The following CAB39L variants were observed in gnomAD, a reference collection of about 807,000 sequenced individuals.
CAB39L encodes calcium-binding protein 39-like.
In CAB39L, 23 loss-of-function variants were observed where a neutral mutation model predicts 39.1. That is an observed-to-expected ratio of 0.59 (90% CI 0.42 to 0.83). The LOEUF (loss-of-function observed/expected upper bound fraction) is 0.83. Among genes scored for constraint, CAB39L ranks in the 40% least tolerant of loss-of-function variants. The pLI is 0.00. For synonymous variants in CAB39L, 126 were observed against 137.2 expected (o/e 0.92, Z 0.57); for missense variants, 366 against 391.9 (o/e 0.93, Z 0.56).
At chr13:49,325,752 G>A (rs903433336) in intron 10 of CAB39L, among the ~76,000 whole-genome samples, 1 of 152,094 alleles carries the variant, frequency 6.6e-6, no homozygotes, top group African/African-American at 2.4e-5. Flanking sequence ...TCATGCCACT[G>A]CACTCCAGCC....
In CAB39L at chr13:49,331,980, G is replaced by A; in HGVS notation, c.801C>T (p.Pro267=). ...CATGAAAGGCTTCAAACTGGATGTT[G>A]GGACTTTTATCCCGAAGGAGGTTCA... ...LMMNLLRDKS[P]NIQFEAFHVF... Residue 267 remains proline, a synonymous_variant, in exon 10 of 11, where the codon CCC becomes CCT. Transcript: ENST00000409308. 6.2e-7 allele frequency: 1 copy of A among 1,614,088 alleles called. No individual in the cohort carries two copies. The highest frequency in any genetic ancestry group is 8.5e-7 in the Non-Finnish European group (1 of 1,179,986).
In CAB39L at chr13:49,392,278, G is replaced by T. The variant is rs561268115; in HGVS notation, c.-31-9337C>A. Among the ~76,000 whole-genome samples the T allele has an allele frequency of 1.5e-4, 23 of 152,110 alleles. No individual in the cohort carries two copies. The South Asian group carries it at 2.5e-3, about 16-fold the overall frequency. On this transcript the variant is annotated intron_variant, in intron 3 of 10. Transcript: ENST00000409308. ...CATATGTATATTAGGTACAATAAAG[G>T]CTATATTAAATAGTTTTAATTTGGT...
intron 1 of CAB39L, among the ~76,000 whole-genome samples, chr13:49,442,787 CAAAAA>C (rs71078844): frequency 1.9e-3 from 192 of 103,546 alleles, no homozygotes; most frequent in African/African-American, 9.4e-3. Flanking sequence ...GACTCCATCT[CAAAAA>C]AAAAAAAAAA....
chr13:49,442,803 A>AACAAAAC (rs997153580), intron 1 of CAB39L, among the ~76,000 whole-genome samples: 3 of 150,840 alleles, frequency 2.0e-5, no homozygotes, highest in African/African-American at 7.4e-5. Flanking sequence ...AAAAAAAAAA[A>AACAAAAC]AAAAAAAAAA....
At chr13:49,334,045 G>A (rs1354110869) in intron 9 of CAB39L, among the ~76,000 whole-genome samples, 1 of 152,030 alleles carries the variant, frequency 6.6e-6, no homozygotes, top group Admixed American at 6.6e-5. Context: ...TCTTTCCCTT[G>A]CTCCTCACAT....
At chr13:49,311,079 C>CTG in intron 10 of CAB39L, 86 bp from the exon 11 acceptor site, 1 of 1,214,432 alleles carries the variant, frequency 8.2e-7, no homozygotes, top group East Asian at 2.3e-5. Context: ...ACCTCACCCA[C>CTG]ACTACTCGCG....
At chr13:49,344,018 C>A (rs919214172) in intron 8 of CAB39L, among the ~76,000 whole-genome samples, 161 bp downstream of exon 8, 1 of 152,130 alleles carries the variant, frequency 6.6e-6, no homozygotes, top group Non-Finnish European at 1.5e-5. Context: ...CTCAATTTTC[C>A]ATAAAGTTTC....
chr13:49,320,774 T>G (rs1225498210), intron 10 of CAB39L, among the ~76,000 whole-genome samples: 1 of 152,202 alleles, frequency 6.6e-6, no homozygotes, highest in Non-Finnish European at 1.5e-5. Context: ...TGACTACACA[T>G]CTGAGTAATA....
intron 10 of CAB39L, among the ~76,000 whole-genome samples, chr13:49,312,070 T>C (rs1327278766): frequency 1.3e-5 from 2 of 152,058 alleles, no homozygotes; most frequent in African/African-American, 2.4e-5. Context: ...ATTTAAAAAG[T>C]TTTTCGTAGA....
chr13:49,313,275 A>G (rs949598942), intron 10 of CAB39L, among the ~76,000 whole-genome samples: 2 of 152,086 alleles, frequency 1.3e-5, no homozygotes, highest in Non-Finnish European at 2.9e-5. Flanking sequence ...AAGTCAGGAG[A>G]TCGAGACCAT....
intron 9 of CAB39L, among the ~76,000 whole-genome samples, chr13:49,337,647 G>T (rs1369633261): frequency 6.6e-6 from 1 of 151,712 alleles, no homozygotes; most frequent in Non-Finnish European, 1.5e-5. Flanking sequence ...ACCCTTATCA[G>T]AGCCATCTTA....
chr13:49,325,511 G>A (rs114429053), intron 10 of CAB39L, among the ~76,000 whole-genome samples: 311 of 152,212 alleles, frequency 2.0e-3, no homozygotes, highest in African/African-American at 7.1e-3. Flanking sequence ...TCCTTAGGCC[G>A]GGAGTGGTGG....
At chr13:49,410,118 G>C (rs1325850937) in intron 3 of CAB39L, among the ~76,000 whole-genome samples, 2 of 152,146 alleles carry the variant, frequency 1.3e-5, no homozygotes, top group Non-Finnish European at 2.9e-5. Context: ...ATGAGGTTAA[G>C]AAACAGATCT....
chr13:49,375,971 T>C (rs944781036), intron 5 of CAB39L, among the ~76,000 whole-genome samples: 3 of 152,234 alleles, frequency 2.0e-5, no homozygotes, highest in Non-Finnish European at 4.4e-5. Flanking sequence ...ACAACTGGAC[T>C]GCACGCCTCC....
chr13:49,322,286 A>G (rs139975283), intron 10 of CAB39L, among the ~76,000 whole-genome samples: 4 of 152,330 alleles, frequency 2.6e-5, no homozygotes, highest in African/African-American at 9.6e-5. Flanking sequence ...ACGTAGCACA[A>G]TGTTTTTAAG....
chr13:49,323,103 C>A (rs768912000), intron 10 of CAB39L, among the ~76,000 whole-genome samples: 4 of 152,180 alleles, frequency 2.6e-5, no homozygotes, highest in Non-Finnish European at 5.9e-5. Context: ...ATTCTCTATA[C>A]CCTCCTCCAG....
chr13:49,425,224 T>C (rs1028707190), intron 3 of CAB39L, among the ~76,000 whole-genome samples: 3 of 149,674 alleles, frequency 2.0e-5, no homozygotes, highest in East Asian at 3.8e-4. Flanking sequence ...TTACTTTACC[T>C]TAGAAGAAAA....
intron 10 of CAB39L, among the ~76,000 whole-genome samples, chr13:49,322,126 C>T (rs1954365354): frequency 6.6e-6 from 1 of 152,140 alleles, no homozygotes; most frequent in Admixed American, 6.5e-5. Context: ...ACCCTATACC[C>T]ATTAGCAGTC....
chr13:49,440,510 T>A (rs979010795), intron 1 of CAB39L, among the ~76,000 whole-genome samples: 1 of 151,954 alleles, frequency 6.6e-6, no homozygotes, highest in Admixed American at 6.6e-5. Context: ...AGCCTCAAAG[T>A]ATAATTTGAA....
Sources: allele counts gnomAD v4.1 joint callset (sites outside exome capture counted in the v4.1 genomes callset), GRCh38; gene constraint gnomAD v4.1.1; transcripts MANE v1.5; gene names NCBI Gene and HGNC (gene_info 2026-07-23, HGNC 2026-07-21).